FGF12: variants seen among roughly 807,000 people sequenced by gnomAD.
FGF12 encodes the protein fibroblast growth factor 12.
Under a neutral mutation model 23.6 loss-of-function variants are expected in FGF12, and 14 were observed. The ratio of observed to expected loss-of-function variants is 0.59; its 90% confidence interval spans 0.39 to 0.93. The LOEUF (loss-of-function observed/expected upper bound fraction) is 0.93, where lower values mean the gene tolerates loss of function less well. Among genes scored for constraint, FGF12 ranks in the 40% least tolerant of loss-of-function variants. The pLI is 0.00. For missense variants in FGF12, 175 were observed against 217.8 expected, an observed-to-expected ratio of 0.80 and a Z score of 1.24; for synonymous variants, 62 against 77.3, an observed-to-expected ratio of 0.80 and a Z score of 1.04.
chr3:192,489,014 T>C (rs1037550796), intron 2 of FGF12, among the ~76,000 whole-genome samples: 2 of 152,054 alleles, frequency 1.3e-5, no homozygotes, highest in East Asian at 1.9e-4. Flanking sequence ...TTATGCATCA[T>C]AGAAATCTCT....
chr3:192,265,642 A>G (rs1362382983), intron 4 of FGF12, among the ~76,000 whole-genome samples: 1 of 151,786 alleles, frequency 6.6e-6, no homozygotes, highest in Non-Finnish European at 1.5e-5. Context: ...TCTATAAATG[A>G]GTTTTTTTTT....
At chr3:192,160,008 C>A (rs1478358752) in intron 5 of FGF12, among the ~76,000 whole-genome samples, 1 of 151,754 alleles carries the variant, frequency 6.6e-6, no homozygotes, top group Non-Finnish European at 1.5e-5. Flanking sequence ...ACCCATTATT[C>A]GCCCAGTTCA....
intron 4 of FGF12, among the ~76,000 whole-genome samples, chr3:192,292,507 A>T (rs1422553663): frequency 1.3e-5 from 2 of 152,154 alleles, no homozygotes; most frequent in Non-Finnish European, 2.9e-5. Flanking sequence ...TTCTATTTCT[A>T]CATTGTCTTA....
chr3:192,382,529 A>G (rs1309971982), intron 2 of FGF12, among the ~76,000 whole-genome samples: 1 of 151,966 alleles, frequency 6.6e-6, no homozygotes, highest in East Asian at 1.9e-4. Flanking sequence ...TATTACCTAT[A>G]GCAATAAAAA....
chr3:192,463,019 C>T (rs1247786816), intron 2 of FGF12, among the ~76,000 whole-genome samples: 1 of 152,098 alleles, frequency 6.6e-6, no homozygotes, highest in Non-Finnish European at 1.5e-5. Context: ...AGCTGGAAAA[C>T]TGTAGTTATA....
At chr3:192,517,588 T>G (rs939293443) in intron 2 of FGF12, among the ~76,000 whole-genome samples, 1 of 152,216 alleles carries the variant, frequency 6.6e-6, no homozygotes, top group Non-Finnish European at 1.5e-5. Context: ...TATAGATTGT[T>G]TTGTTGGTAT....
intron 2 of FGF12, among the ~76,000 whole-genome samples, chr3:192,499,399 G>A (rs536181221): frequency 6.2e-5 from 9 of 146,082 alleles, no homozygotes; most frequent in African/African-American, 2.0e-4. Flanking sequence ...ACAGACTTGG[G>A]GCTTTGAAAA....
intron 2 of FGF12, among the ~76,000 whole-genome samples, chr3:192,646,082 A>G (rs1715995675): frequency 6.6e-6 from 1 of 152,162 alleles, no homozygotes; most frequent in Non-Finnish European, 1.5e-5. Context: ...AACGAGAAAC[A>G]GTTTTGTATT....
chr3:192,275,829 T>C (rs1463147583), intron 4 of FGF12, among the ~76,000 whole-genome samples: 3 of 152,152 alleles, frequency 2.0e-5, no homozygotes, highest in Non-Finnish European at 4.4e-5. Flanking sequence ...AGATTATAAA[T>C]TACGAGATTG....
intron 2 of FGF12, among the ~76,000 whole-genome samples, chr3:192,510,366 T>A (rs887776254): frequency 6.6e-6 from 1 of 152,202 alleles, no homozygotes; most frequent in Non-Finnish European, 1.5e-5. Flanking sequence ...CAAGCAAGGA[T>A]ATGAAAAGAT....
chr3:192,432,316 T>C (rs1450915100), intron 2 of FGF12, among the ~76,000 whole-genome samples: 1 of 152,096 alleles, frequency 6.6e-6, no homozygotes, highest in Non-Finnish European at 1.5e-5. Context: ...TATTGATTCA[T>C]ATGATGGAAG....
intron 5 of FGF12, among the ~76,000 whole-genome samples, chr3:192,165,354 T>C (rs1013187100): frequency 6.6e-6 from 1 of 152,074 alleles, no homozygotes; most frequent in African/African-American, 2.4e-5. Context: ...CATAAAGCTG[T>C]AATTTATTTT....
intron 5 of FGF12, among the ~76,000 whole-genome samples, chr3:192,158,837 A>G (rs970160686): frequency 2.0e-5 from 3 of 151,888 alleles, no homozygotes; most frequent in Admixed American, 2.0e-4. Context: ...TTACCAACCT[A>G]TGGACATCTG....
At chr3:192,426,257 T>G (rs1721684345) in intron 2 of FGF12, among the ~76,000 whole-genome samples, 1 of 152,140 alleles carries the variant, frequency 6.6e-6, no homozygotes, top group Non-Finnish European at 1.5e-5. Context: ...GTGCCCTCCA[T>G]GGTCTGCTTT....
At chr3:192,436,755 C>G (rs981949705) in intron 2 of FGF12, among the ~76,000 whole-genome samples, 5 of 152,152 alleles carry the variant, frequency 3.3e-5, no homozygotes, top group Non-Finnish European at 5.9e-5. Flanking sequence ...GATTGAAATT[C>G]TAGGTGAAGT....
chr3:192,158,332 C>CTTTCTCTTTCTTTCTTTCTT (rs1459698854), intron 5 of FGF12, among the ~76,000 whole-genome samples: 1 of 112,356 alleles, frequency 8.9e-6, no homozygotes, highest in African/African-American at 3.6e-5. Context: ...TTCTTTCTTT[C>CTTTCTCTTTCTTTCTTTCTT]TCTTTCTTTC....
At chr3:192,657,201 C>A (rs577472946) in intron 2 of FGF12, among the ~76,000 whole-genome samples, 2 of 151,608 alleles carry the variant, frequency 1.3e-5, no homozygotes, top group African/African-American at 4.8e-5. Flanking sequence ...TTTGATATAA[C>A]GTATTGAACA....
chr3:192,375,516 A>C (rs1719446162), intron 2 of FGF12, among the ~76,000 whole-genome samples: 1 of 152,140 alleles, frequency 6.6e-6, no homozygotes, highest in Non-Finnish European at 1.5e-5. Flanking sequence ...ACGGCTAAAA[A>C]CTCAAATCCA....
At chr3:192,189,139 G>A (rs2108644799) in intron 4 of FGF12, among the ~76,000 whole-genome samples, 1 of 152,272 alleles carries the variant, frequency 6.6e-6, no homozygotes, top group Non-Finnish European at 1.5e-5. Context: ...CCTCAGCCTC[G>A]GTTTCATGGT....
Sources: allele counts gnomAD v4.1 joint callset (sites outside exome capture counted in the v4.1 genomes callset), GRCh38; gene constraint gnomAD v4.1.1; transcripts MANE v1.5; gene names NCBI Gene and HGNC (gene_info 2026-07-23, HGNC 2026-07-21).